PDK1: variants seen among roughly 807,000 people sequenced by gnomAD.
PDK1 encodes the protein pyruvate dehydrogenase kinase 1.
In PDK1, 39 loss-of-function variants were observed where a neutral mutation model predicts 54.2. That is an observed-to-expected ratio of 0.72 (90% CI 0.56 to 0.94). The LOEUF (loss-of-function observed/expected upper bound fraction) is 0.94. Among genes scored for constraint, PDK1 ranks in the 40% least tolerant of loss-of-function variants. PDK1 has a pLI of 0.00. For missense variants in PDK1, 552 were observed against 566.0 expected, an observed-to-expected ratio of 0.98 and a Z score of 0.25; for synonymous variants, 221 against 207.1, an observed-to-expected ratio of 1.07 and a Z score of -0.58.
the PDK1 span, among the ~76,000 whole-genome samples, chr2:172,675,386 G>A: frequency 2.0e-5 from 3 of 152,184 alleles, no homozygotes; most frequent in East Asian, 1.9e-4. Flanking sequence ...AATTGTGAAT[G>A]CAAAAGAAAA....
At chr2:172,717,117 G>A in the PDK1 span, among the ~76,000 whole-genome samples, 16 of 152,212 alleles carry the variant, frequency 1.1e-4, no homozygotes, top group African/African-American at 3.9e-4. Context: ...AATGGAATAT[G>A]GCAGAAATGA....
At chr2:172,666,134 T>C in the PDK1 span, among the ~76,000 whole-genome samples, 10 of 152,212 alleles carry the variant, frequency 6.6e-5, no homozygotes, top group African/African-American at 2.4e-4. Flanking sequence ...CGATCAATAC[T>C]TTGATTTACT....
chr2:172,606,014 G>A lies in PDK1; in HGVS notation c.*10045G>A, dbSNP rs922222002. On this transcript the variant is annotated 3_prime_UTR_variant, in exon 11 of 11. Transcript: ENST00000282077. ...ATACTTTGCGTGACCATAAAACTCT[G>A]TACTATTATAGACATAAAACCATTT... is the stretch of plus-strand genomic sequence containing the variant. 1 of 151,968 alleles carries A rather than the reference G, an allele frequency of 6.6e-6. No homozygotes were observed. Among genetic ancestry groups the A allele is most frequent in the African/African-American group, 2.4e-5 (1 of 41,358 alleles). The allele number at this position is 151,968 out of a possible 1,614,324, so 9.4% of individuals were successfully genotyped here.
intron 8 of PDK1, among the ~76,000 whole-genome samples, chr2:172,573,476 GTATA>G (rs750912369): frequency 6.7e-6 from 1 of 150,350 alleles, no homozygotes; most frequent in African/African-American, 2.4e-5. Flanking sequence ...ATGTATATGT[GTATA>G]TATATATAGG....
chr2:172,698,620 C>T, the PDK1 span, among the ~76,000 whole-genome samples: 1 of 152,214 alleles, frequency 6.6e-6, no homozygotes, highest in African/African-American at 2.4e-5. Flanking sequence ...CTGGGCTCCA[C>T]CCCCAGAACT....
chr2:172,697,768 C>T, the PDK1 span, among the ~76,000 whole-genome samples: 1 of 151,770 alleles, frequency 6.6e-6, no homozygotes, highest in East Asian at 2.0e-4. Context: ...ATGGAAGAAA[C>T]TTCCCCATTC....
chr2:172,643,721 G>A, the PDK1 span, among the ~76,000 whole-genome samples: 14 of 152,272 alleles, frequency 9.2e-5, no homozygotes, highest in African/African-American at 3.4e-4. Flanking sequence ...TGAGGGTGGG[G>A]AGAAAATGGG....
the PDK1 span, among the ~76,000 whole-genome samples, chr2:172,620,555 G>C: frequency 6.6e-6 from 1 of 152,092 alleles, no homozygotes; most frequent in African/African-American, 2.4e-5. Flanking sequence ...GTTTAGCTCT[G>C]TCTCCCCCAC....
chr2:172,658,233 A>T, the PDK1 span, among the ~76,000 whole-genome samples: 8 of 152,186 alleles, frequency 5.3e-5, no homozygotes, highest in Non-Finnish European at 1.0e-4. Context: ...GAAGTCAGGG[A>T]CCCCGAATGG....
chr2:172,558,704 T>C lies in PDK1; in HGVS notation c.197-4T>C. The C allele has an allele frequency of 6.3e-7, 1 of 1,598,114 alleles. No homozygotes were observed. The highest frequency in any genetic ancestry group is 8.5e-7 in the Non-Finnish European group (1 of 1,175,678). On this transcript the variant is annotated splice_region_variant and splice_polypyrimidine_tract_variant and intron_variant, in intron 1 of 10. Transcript: ENST00000282077. ...ACTGCTTTACCCATCATGTTTGGTTTCAGGATCAGTGAATGCTTGTGAAAA... is the reference window on the plus strand; with the variant it reads ...ACTGCTTTACCCATCATGTTTGGTTCCAGGATCAGTGAATGCTTGTGAAAA...
At chr2:172,710,764 A>T in the PDK1 span, among the ~76,000 whole-genome samples, 1 of 152,210 alleles carries the variant, frequency 6.6e-6, no homozygotes, top group Non-Finnish European at 1.5e-5. Context: ...TCAACCTTTT[A>T]TTCTTTTCAG....
chr2:172,647,702 C>G, the PDK1 span, among the ~76,000 whole-genome samples: 2 of 152,168 alleles, frequency 1.3e-5, no homozygotes, highest in African/African-American at 2.4e-5. Flanking sequence ...GAAGCAAGCT[C>G]TACCGTAATA....
At chr2:172,615,779 C>T in the PDK1 span, among the ~76,000 whole-genome samples, 1 of 152,150 alleles carries the variant, frequency 6.6e-6, no homozygotes, top group African/African-American at 2.4e-5. Flanking sequence ...ACTAAATTGG[C>T]TATATAATGA....
At chr2:172,673,304 G>A in the PDK1 span, among the ~76,000 whole-genome samples, 1 of 152,160 alleles carries the variant, frequency 6.6e-6, no homozygotes, top group Non-Finnish European at 1.5e-5. Context: ...ATGTTCAATT[G>A]AGGCATTCTT....
At chr2:172,658,687 G>T in the PDK1 span, among the ~76,000 whole-genome samples, 1 of 152,130 alleles carries the variant, frequency 6.6e-6, no homozygotes, top group African/African-American at 2.4e-5. Flanking sequence ...GCATTCCTGG[G>T]GGGAGGTCTA....
At chr2:172,704,925 A>G in the PDK1 span, among the ~76,000 whole-genome samples, 1 of 152,202 alleles carries the variant, frequency 6.6e-6, no homozygotes, top group East Asian at 1.9e-4. Context: ...TGGAAATCAC[A>G]TCAGTTCTAC....
At chr2:172,699,500 T>C in the PDK1 span, among the ~76,000 whole-genome samples, 4 of 145,230 alleles carry the variant, frequency 2.8e-5, no homozygotes, top group Non-Finnish European at 6.1e-5. Flanking sequence ...TTTTTTTTAC[T>C]GTTCAGATTG....
intron 6 of PDK1, among the ~76,000 whole-genome samples, chr2:172,567,560 C>T (rs1224782240): frequency 6.6e-6 from 1 of 152,174 alleles, no homozygotes; most frequent in Admixed American, 6.5e-5. Flanking sequence ...TTTTACTAAG[C>T]TGTATTCTGG....
At chr2:172,678,884 TACCCTGA>T in the PDK1 span, 1 of 152,242 alleles carries the variant, frequency 6.6e-6, no homozygotes, top group African/African-American at 2.4e-5. Context: ...TTACCAGGCT[TACCCTGA>T]GTGGAGTTCA....
Sources: gnomAD v4.1 joint callset for allele counts (sites outside exome capture counted in the v4.1 genomes callset) on GRCh38, gnomAD v4.1.1 for gene constraint, MANE v1.5 for transcripts, NCBI Gene and HGNC (gene_info 2026-07-23, HGNC 2026-07-21) for gene names.